The following RAMP3 variants were observed in gnomAD, a reference collection of about 807,000 sequenced individuals.
The protein encoded by RAMP3 is receptor activity modifying protein 3, also known as receptor activity-modifying protein 3.
A neutral mutation model predicts 13.5 loss-of-function variants in RAMP3; 14 were observed. The ratio of observed to expected loss-of-function variants is 1.04; its 90% CI spans 0.69 to 1.63. RAMP3 has a LOEUF of 1.63. Ranked by LOEUF, RAMP3 falls within the 40% of genes most tolerant of loss-of-function variation. The probability of loss-of-function intolerance (pLI) is 0.00; values close to 1 mark genes in which losing one functional copy is unlikely to be tolerated. For synonymous variants in RAMP3, 106 were observed against 88.3 expected, an observed-to-expected ratio of 1.20 and a Z score of -1.12; for missense variants, 200 against 204.8, an observed-to-expected ratio of 0.98 and a Z score of 0.14.
chr7:45,183,583 T>A lies in RAMP3; in HGVS notation c.*171T>A. On this transcript the variant is annotated 3_prime_UTR_variant, in exon 3 of 3. Coordinates refer to ENST00000242249, the MANE Select transcript of RAMP3 (RefSeq NM_005856.3). ...ACCTGCTCCCTCGAGGCCAGCCTGC[T>A]CCCTGGCTGAGGCTCAGGCTATCCG... 2.1e-6 allele frequency: 2 copies of A among 937,116 alleles called. No individual in the cohort carries two copies. Among genetic ancestry groups the A allele is most frequent in the Non-Finnish European group, 3.2e-6 (2 of 630,902 alleles). The allele number at this position is 937,116 out of a possible 1,614,324, so 58.1% of individuals were successfully genotyped here.
chr7:45,171,805 T>G (rs1786089148), intron 1 of RAMP3, among the ~76,000 whole-genome samples: 1 of 152,166 alleles, frequency 6.6e-6, no homozygotes, highest in South Asian at 2.1e-4. Context: ...AGGCATGGAC[T>G]TCTGTTCTGT....
At chr7:45,165,347 G>A (rs911330587) in intron 1 of RAMP3, among the ~76,000 whole-genome samples, 1 of 152,104 alleles carries the variant, frequency 6.6e-6, no homozygotes, top group African/African-American at 2.4e-5. Context: ...TTTAGACATT[G>A]AGAAAAATTC....
At chr7:45,175,054 G>A (rs1786153129) in intron 1 of RAMP3, among the ~76,000 whole-genome samples, 1 of 152,216 alleles carries the variant, frequency 6.6e-6, no homozygotes, top group South Asian at 2.1e-4. Context: ...TGAGCACATG[G>A]CCTTTCTGTG....
chr7:45,157,876 G>A lies in RAMP3; in HGVS notation c.48G>A (p.Leu16=). Residue 16 remains leucine (L), a synonymous_variant, in exon 1 of 3, where the codon CTG becomes CTA. Coordinates refer to ENST00000242249, the MANE Select transcript of RAMP3 (RefSeq NM_005856.3). ...GCCCGCAACTTCTCCCGTTGCTGCT[G>A]CTGCTCTGCGGTAAGGGGGCGACGG... The part of the protein sequence containing the change: ...LRRPQLLPLL[L]LLCGGCPRAG... The A allele has an allele frequency of 1.4e-6, 2 of 1,401,456 alleles. No individual in the cohort carries two copies. Among genetic ancestry groups the A allele is most frequent in the Non-Finnish European group, 1.8e-6 (2 of 1,087,198 alleles). The allele number at this position is 1,401,456 out of a possible 1,614,324, so 86.8% of individuals were successfully genotyped here. A position where few individuals can be genotyped will look rare whatever the true frequency, so the allele number is the denominator to read the frequency against.
intron 1 of RAMP3, among the ~76,000 whole-genome samples, chr7:45,164,723 A>G (rs528003030): frequency 6.6e-6 from 1 of 152,294 alleles, no homozygotes; most frequent in South Asian, 2.1e-4. Flanking sequence ...TATCTCTAGT[A>G]ATATTTTTTG....
chr7:45,177,545 C>T (rs1180701634), intron 2 of RAMP3, 104 bp downstream of exon 2: 2 of 1,522,898 alleles, frequency 1.3e-6, no homozygotes, highest in South Asian at 1.2e-5. Flanking sequence ...AAGGCCTCAC[C>T]CATGCCTCAC....
chr7:45,176,679 G>A (rs539457501), intron 1 of RAMP3, among the ~76,000 whole-genome samples: 5 of 152,176 alleles, frequency 3.3e-5, no homozygotes, highest in African/African-American at 7.2e-5. Context: ...GGGAGGGGAT[G>A]TTTTGGTGGG....
chr7:45,163,970 G>GT (rs1785912941), intron 1 of RAMP3: 1 of 847,346 alleles, frequency 1.2e-6, no homozygotes, highest in Non-Finnish European at 1.4e-6. Flanking sequence ...AAGTGGGAGA[G>GT]TACTGTGGCT....
intron 1 of RAMP3, among the ~76,000 whole-genome samples, chr7:45,175,650 T>C (rs1333711568): frequency 6.6e-6 from 1 of 152,050 alleles, no homozygotes; most frequent in Non-Finnish European, 1.5e-5. Context: ...TTCTCCTCTG[T>C]GGGGTTCCAG....
At chr7:45,169,458 A>G (rs1786038247) in intron 1 of RAMP3, among the ~76,000 whole-genome samples, 1 of 152,148 alleles carries the variant, frequency 6.6e-6, no homozygotes, top group Non-Finnish European at 1.5e-5. Flanking sequence ...TTTAGTATAG[A>G]CCTATTTAGA....
intron 1 of RAMP3, among the ~76,000 whole-genome samples, chr7:45,158,788 G>A (rs1174922867): frequency 1.3e-5 from 2 of 152,156 alleles, no homozygotes; most frequent in South Asian, 2.1e-4. Flanking sequence ...GGAAAAGGGT[G>A]GACCAAACTC....
At chr7:45,160,254 C>T (rs906438913) in intron 1 of RAMP3, among the ~76,000 whole-genome samples, 1 of 138,562 alleles carries the variant, frequency 7.2e-6, no homozygotes, top group African/African-American at 2.7e-5. Context: ...ATCGCTTGAA[C>T]CTGGAAGGCG....
chr7:45,169,222 A>G (rs11769733), intron 1 of RAMP3, among the ~76,000 whole-genome samples: 39,754 of 151,910 alleles, frequency 0.26, 6,273 homozygotes, highest in African/African-American at 0.44. Flanking sequence ...ATATTGGCCT[A>G]TAGATTTCTT....
chr7:45,177,722 G>A (rs535453373), intron 2 of RAMP3, among the ~76,000 whole-genome samples: 65 of 152,016 alleles, frequency 4.3e-4, no homozygotes, highest in East Asian at 9.7e-4. Context: ...CCCTGCCCAC[G>A]GCATTTGTGC....
At chr7:45,169,169 A>C (rs1259759264) in intron 1 of RAMP3, among the ~76,000 whole-genome samples, 1 of 152,196 alleles carries the variant, frequency 6.6e-6, no homozygotes, top group Non-Finnish European at 1.5e-5. Flanking sequence ...TGCTGGATTA[A>C]GTTTGCTAGT....
intron 1 of RAMP3, among the ~76,000 whole-genome samples, chr7:45,170,616 C>G (rs1422470099): frequency 6.7e-6 from 1 of 148,348 alleles, no homozygotes; most frequent in Non-Finnish European, 1.5e-5. Flanking sequence ...GGATTACAGG[C>G]GTGAGCCTCT....
In RAMP3 at chr7:45,157,866, C is replaced by G; in HGVS notation, c.38C>G (p.Pro13Arg). 4.3e-6 allele frequency: 6 copies of G among 1,411,306 alleles called. No individual in the cohort carries two copies. The highest frequency in any genetic ancestry group is 5.5e-6 in the Non-Finnish European group (6 of 1,091,850). The allele number at this position is 1,411,306 out of a possible 1,614,324, so 87.4% of individuals were successfully genotyped here. The change falls in exon 1 of 3, where the codon CCG becomes CGG. Residue 13 changes from proline to arginine, a missense_variant. By Grantham distance (103) the Pro-to-Arg change is moderately radical. Coordinates refer to ENST00000242249, the MANE Select transcript of RAMP3 (RefSeq NM_005856.3). ...TGALRRPQLLPLLLLLCGGCP... is the reference protein window; with the variant it reads ...TGALRRPQLLRLLLLLCGGCP... Reference sequence around the variant, plus strand: ...GCGCTGCGGCGCCCGCAACTTCTCCCGTTGCTGCTGCTGCTCTGCGGTAAG... The same window carrying G: ...GCGCTGCGGCGCCCGCAACTTCTCCGGTTGCTGCTGCTGCTCTGCGGTAAG...
chr7:45,159,114 C>T (rs1285966456), intron 1 of RAMP3, among the ~76,000 whole-genome samples: 1 of 152,188 alleles, frequency 6.6e-6, no homozygotes, highest in Non-Finnish European at 1.5e-5. Context: ...ACAGAATCCC[C>T]CCTTAATAAT....
At chr7:45,159,530 G>A (rs1340582125) in intron 1 of RAMP3, among the ~76,000 whole-genome samples, 2 of 152,268 alleles carry the variant, frequency 1.3e-5, no homozygotes, top group Middle Eastern at 3.4e-3. Flanking sequence ...GTGGGGATGC[G>A]AAGTCCAGCA....
Sources: allele counts gnomAD v4.1 joint callset (sites outside exome capture counted in the v4.1 genomes callset), GRCh38; gene constraint gnomAD v4.1.1; transcripts MANE v1.5; gene names NCBI Gene and HGNC (gene_info 2026-07-23, HGNC 2026-07-21).